Variants in MCM9 observed in about 807,000 individuals in gnomAD.
The protein encoded by MCM9 is minichromosome maintenance 9 homologous recombination repair factor.
MCM9 carries 55 observed loss-of-function variants against 72.8 expected under a neutral mutation model. The observed-to-expected ratio is 0.76, with a 90% CI of 0.61 to 0.95. The LOEUF is 0.95. Ranked by LOEUF, MCM9 falls within the 40% of genes least tolerant of loss-of-function variation. The pLI is 0.00. For missense variants in MCM9, 1,279 were observed against 1,377.0 expected, an observed-to-expected ratio of 0.93 and a Z score of 1.13; for synonymous variants, 480 against 503.4, an observed-to-expected ratio of 0.95 and a Z score of 0.62.
chr6:118,905,903 G>C, intron 8 of MCM9: 1 of 1,126,442 alleles, frequency 8.9e-7, no homozygotes, highest in Non-Finnish European at 1.2e-6. Flanking sequence ...CAATTTCATA[G>C]TATACTATTA....
At chr6:118,843,510 C>T (rs1203130425) in intron 9 of MCM9, among the ~76,000 whole-genome samples, 2 of 150,352 alleles carry the variant, frequency 1.3e-5, no homozygotes, top group Non-Finnish European at 3.0e-5. Flanking sequence ...TGCCTGTAAT[C>T]CCAGCTACTC....
intron 8 of MCM9, among the ~76,000 whole-genome samples, chr6:118,859,479 C>A (rs189747581): frequency 1.1e-4 from 17 of 152,240 alleles, no homozygotes; most frequent in Admixed American, 1.1e-3. Context: ...ATTACTGCCC[C>A]AAAACTGAAG....
chr6:118,834,837 T>A (rs1331554740), intron 9 of MCM9, among the ~76,000 whole-genome samples: 2 of 152,350 alleles, frequency 1.3e-5, no homozygotes, highest in Admixed American at 6.5e-5. Flanking sequence ...TCTTTTGCTG[T>A]GCAGAAGCTC....
At chr6:118,931,807 G>T (rs780757226) in intron 2 of MCM9, 69 bp from the exon 3 acceptor site, 9 of 1,219,988 alleles carry the variant, frequency 7.4e-6, no homozygotes, top group Middle Eastern at 2.8e-4. Flanking sequence ...TAACAAAAAC[G>T]ATTGGTTATA....
chr6:118,847,934 G>C (rs1277709633), intron 9 of MCM9, among the ~76,000 whole-genome samples: 1 of 151,796 alleles, frequency 6.6e-6, no homozygotes. Context: ...ATAAGCCAAG[G>C]TCTTTATATC....
chr6:118,883,179 G>A (rs960321156), intron 8 of MCM9, among the ~76,000 whole-genome samples: 3 of 150,888 alleles, frequency 2.0e-5, no homozygotes, highest in Non-Finnish European at 4.4e-5. Flanking sequence ...GATTTGAAAT[G>A]TACAATAACT....
chr6:118,914,487 T>C (rs1780784815), intron 6 of MCM9, among the ~76,000 whole-genome samples: 1 of 152,158 alleles, frequency 6.6e-6, no homozygotes, highest in South Asian at 2.1e-4. Flanking sequence ...TGGCCTGCGA[T>C]GGCAGAAATG....
At position 118,821,705 on chromosome 6, in the gene MCM9, C is replaced by T. The variant is rs558169253; in HGVS notation, c.1961+4442G>A. On this transcript the variant is annotated intron_variant, in intron 13 of 13. Coordinates refer to ENST00000619706, the MANE Select transcript of MCM9 (RefSeq NM_017696.3). ...TGGGGAAGTTCTCCTGGAAAATATCCAAGTGTGTTTTCCAACTTGGTTCCA... is the reference window on the plus strand; with the variant it reads ...TGGGGAAGTTCTCCTGGAAAATATCTAAGTGTGTTTTCCAACTTGGTTCCA... 8.5e-5 allele frequency among the ~76,000 whole-genome samples: 13 copies of T among 152,130 alleles called. No individual in the cohort carries two copies. The East Asian group carries it at 2.5e-3, about 29-fold the overall frequency.
chr6:118,903,660 A>T (rs1247460482), intron 8 of MCM9, among the ~76,000 whole-genome samples: 2 of 152,248 alleles, frequency 1.3e-5, no homozygotes, highest in Non-Finnish European at 2.9e-5. Flanking sequence ...GCTCCAAAAA[A>T]GATTAAAAGA....
Position 118,894,364 on chromosome 6 carries a change from A to G in MCM9, c.1150+17286T>C, listed in dbSNP as rs758842376. On this transcript the variant is annotated intron_variant, in intron 8 of 13. Transcript: ENST00000619706. ...CCCGAGCGGCCGCGCGCTGGACTTT[A>G]TTGTGCCGCAACCAGCCCCAGTTCC... 6.8e-5 allele frequency: 104 copies of G among 1,534,752 alleles called. No homozygotes were observed. The East Asian group carries it at 2.4e-3, about 35-fold the overall frequency.
chr6:118,814,373 C>T lies in MCM9; in HGVS notation c.*451G>A, dbSNP rs1306206916. 2.7e-5 allele frequency: 4 copies of T among 149,356 alleles called. No homozygotes were observed. The highest frequency in any genetic ancestry group is 5.9e-5 in the Non-Finnish European group (4 of 68,306). 9.3% of individuals were successfully genotyped at this position (149,356 alleles called of 1,614,324 possible). A position where few individuals can be genotyped will look rare whatever the true frequency, so the allele number is the denominator to read the frequency against. ...GTGATTATATTCACTGTACTTAGCCCATTCCAGGTGAAAATACAAAAAAAA... is the reference window on the plus strand; with the variant it reads ...GTGATTATATTCACTGTACTTAGCCTATTCCAGGTGAAAATACAAAAAAAA... On this transcript the variant is annotated 3_prime_UTR_variant, in exon 14 of 14. Transcript: ENST00000619706.
At chr6:118,894,481 A>G in intron 8 of MCM9, 1 of 1,537,158 alleles carries the variant, frequency 6.5e-7, no homozygotes, top group Non-Finnish European at 8.7e-7. Context: ...AACCCGTTCC[A>G]GTTCGAGATC....
Position 118,813,926 on chromosome 6 carries a change from C to T in MCM9, c.*898G>A, listed in dbSNP as rs1773257792. On this transcript the variant is annotated 3_prime_UTR_variant, in exon 14 of 14. Coordinates refer to ENST00000619706, the MANE Select transcript of MCM9 (RefSeq NM_017696.3). ...TTTTATTTTTAGAGACAGGATCTCA[C>T]TCTGTCACCCAGGCTGGAATACAGT... 6.6e-6 allele frequency: 1 copy of T among 152,154 alleles called. No homozygotes were observed. Among genetic ancestry groups the T allele is most frequent in the Non-Finnish European group, 1.5e-5 (1 of 68,042 alleles). The allele number at this position is 152,154 out of a possible 1,614,324, so 9.4% of individuals were successfully genotyped here.
intron 10 of MCM9, among the ~76,000 whole-genome samples, chr6:118,828,408 TG>T (rs1774311022): frequency 6.6e-6 from 1 of 151,746 alleles, no homozygotes. Flanking sequence ...TTTTTTGAGA[TG>T]GAGTCTCACT....
intron 9 of MCM9, among the ~76,000 whole-genome samples, chr6:118,849,668 T>A (rs1037090068): frequency 6.6e-6 from 1 of 151,598 alleles, no homozygotes; most frequent in Non-Finnish European, 1.5e-5. Flanking sequence ...GACTAAAAAC[T>A]CTCTAAGCAA....
chr6:118,858,165 A>G (rs931040492), intron 8 of MCM9, among the ~76,000 whole-genome samples: 2 of 152,196 alleles, frequency 1.3e-5, no homozygotes, highest in African/African-American at 4.8e-5. Context: ...AACAGATTAT[A>G]GCCAAGTGAG....
At chr6:118,897,944 G>A (rs1779545280) in intron 8 of MCM9, among the ~76,000 whole-genome samples, 1 of 152,174 alleles carries the variant, frequency 6.6e-6, no homozygotes, top group African/African-American at 2.4e-5. Flanking sequence ...AGTGTTCCCT[G>A]AGTTGCAGCC....
Position 118,815,926 on chromosome 6 carries a change from G to GCA in MCM9, c.2329_2330insTG (p.Ser777LeufsTer48), listed in dbSNP as rs1176254748. The GCA allele has an allele frequency of 1.3e-6, 2 of 1,548,578 alleles. No homozygotes were observed. Among genetic ancestry groups the GCA allele is most frequent in the Non-Finnish European group, 1.7e-6 (2 of 1,146,964 alleles). ...CTCCTTACCCTGAGATGTGCTGTTA[G>GCA]AGATCTTCGAAGCCATATTTTCTCC... On this transcript the variant is annotated frameshift_variant, in exon 14 of 14. Coordinates refer to ENST00000619706, the MANE Select transcript of MCM9 (RefSeq NM_017696.3). LOFTEE classifies it low-confidence loss of function (END_TRUNC).
chr6:118,916,432 C>CCTTATT (rs374211645), intron 6 of MCM9, among the ~76,000 whole-genome samples: 35 of 142,394 alleles, frequency 2.5e-4, no homozygotes, highest in African/African-American at 8.7e-4. Context: ...GAAATGGAAG[C>CCTTATT]ATTATTATTA....
Sources: allele counts gnomAD v4.1 joint callset (sites outside exome capture counted in the v4.1 genomes callset), GRCh38; gene constraint gnomAD v4.1.1; transcripts MANE v1.5; gene names NCBI Gene and HGNC (gene_info 2026-07-23, HGNC 2026-07-21).